Variants in PTPN13 observed in about 807,000 individuals in gnomAD.
PTPN13 encodes protein tyrosine phosphatase non-receptor type 13.
Under a neutral mutation model 284.0 loss-of-function variants are expected in PTPN13, and 191 were observed. The ratio of observed to expected loss-of-function variants is 0.67; its 90% confidence interval spans 0.60 to 0.76. PTPN13 has a LOEUF of 0.76. Among genes scored for constraint, PTPN13 ranks in the 30% least tolerant of loss-of-function variants. The probability of loss-of-function intolerance (pLI) is 0.00; values close to 1 mark genes in which losing one functional copy is unlikely to be tolerated. For synonymous variants in PTPN13, 986 were observed against 1,022.3 expected (o/e 0.96, Z 0.68); for missense variants, 2,797 against 2,939.9 (o/e 0.95, Z 1.12).
chr4:86,709,517 A>C (rs554117439), intron 7 of PTPN13, among the ~76,000 whole-genome samples: 2 of 152,312 alleles, frequency 1.3e-5, no homozygotes, highest in Non-Finnish European at 1.5e-5. Flanking sequence ...AATGGGTTAC[A>C]ACAATATTCT....
intron 1 of PTPN13, among the ~76,000 whole-genome samples, chr4:86,633,511 C>A (rs1005298320): frequency 2.6e-5 from 4 of 152,198 alleles, no homozygotes; most frequent in Non-Finnish European, 4.4e-5. Flanking sequence ...CTTTCCACAT[C>A]CCTCCCACTT....
intron 40 of PTPN13, among the ~76,000 whole-genome samples, chr4:86,794,493 A>G (rs1209018047): frequency 1.3e-5 from 2 of 152,204 alleles, no homozygotes; most frequent in African/African-American, 4.8e-5. Flanking sequence ...TATAGATTCA[A>G]TGCTATCCCC....
At position 86,637,691 on chromosome 4, in the gene PTPN13, G is replaced by C. The variant is rs1456421938; in HGVS notation, c.115+2320G>C. The stretch of plus-strand genomic sequence containing the variant: ...GATGGGACATATCTCAAAATAATAA[G>C]AGCTATCTATGACAAACCCACAGCC... On this transcript the variant is annotated intron_variant, in intron 2 of 47. Coordinates refer to ENST00000411767, the MANE Select transcript of PTPN13 (RefSeq NM_080683.3). Among the ~76,000 whole-genome samples, 4 of 147,820 alleles carry C rather than the reference G, an allele frequency of 2.7e-5. No homozygotes were observed. The South Asian group carries it at 8.9e-4, about 33-fold the overall frequency.
intron 1 of PTPN13, 86 bp from the exon 2 acceptor site, chr4:86,635,166 T>G (rs1722873375): frequency 2.2e-6 from 3 of 1,394,308 alleles, no homozygotes; most frequent in Non-Finnish European, 2.9e-6. Flanking sequence ...GGGCTTATAG[T>G]CTGTCATCAC....
intron 3 of PTPN13, among the ~76,000 whole-genome samples, chr4:86,684,600 T>C (rs373701872): frequency 3.9e-5 from 6 of 152,242 alleles, no homozygotes; most frequent in African/African-American, 1.2e-4. Flanking sequence ...TAGGAAGCAA[T>C]GTAAGGGATA....
At chr4:86,761,376 T>C (rs1374179992) in intron 23 of PTPN13, among the ~76,000 whole-genome samples, 1 of 152,038 alleles carries the variant, frequency 6.6e-6, no homozygotes, top group African/African-American at 2.4e-5. Flanking sequence ...AATTCTATTA[T>C]AAATGTTACT....
chr4:86,794,773 C>T (rs971824428), intron 40 of PTPN13, among the ~76,000 whole-genome samples: 6 of 152,108 alleles, frequency 3.9e-5, no homozygotes, highest in African/African-American at 1.4e-4. Flanking sequence ...TCTTTGACAA[C>T]CCTGACAAAA....
chr4:86,636,433 GA>G (rs1370228476), intron 2 of PTPN13, among the ~76,000 whole-genome samples: 2 of 152,104 alleles, frequency 1.3e-5, no homozygotes, highest in African/African-American at 4.8e-5. Context: ...AATAGTAGGT[GA>G]AAAAACCAAG....
intron 1 of PTPN13, among the ~76,000 whole-genome samples, chr4:86,603,234 ATAAT>A (rs1393110962): frequency 6.6e-6 from 1 of 152,222 alleles, no homozygotes; most frequent in Non-Finnish European, 1.5e-5. Flanking sequence ...ATATCTAAAC[ATAAT>A]TAGAAAAGAA....
chr4:86,694,089 A>G (rs917189549), intron 6 of PTPN13, among the ~76,000 whole-genome samples: 1 of 151,290 alleles, frequency 6.6e-6, no homozygotes. Context: ...ATTTTTTATC[A>G]TATTTCTTTT....
At chr4:86,671,072 T>C (rs891988035) in intron 2 of PTPN13, among the ~76,000 whole-genome samples, 7 of 152,212 alleles carry the variant, frequency 4.6e-5, no homozygotes, top group African/African-American at 1.4e-4. Flanking sequence ...AACACATTTT[T>C]CTTCTTTGAC....
intron 2 of PTPN13, among the ~76,000 whole-genome samples, chr4:86,642,627 G>C (rs1398899949): frequency 6.6e-6 from 1 of 151,120 alleles, no homozygotes; most frequent in Admixed American, 6.6e-5. Flanking sequence ...TAATTTTTTT[G>C]TATTTTTTGT....
chr4:86,810,092 T>G (rs1745063268), intron 46 of PTPN13, 108 bp downstream of exon 46: 3 of 796,814 alleles, frequency 3.8e-6, no homozygotes, highest in Non-Finnish European at 5.7e-6. Context: ...TGAGTTTATA[T>G]GACTGCCTTC....
At chr4:86,750,308 A>G (rs1044525019) in intron 17 of PTPN13, among the ~76,000 whole-genome samples, 162 bp from the exon 18 acceptor site, 1 of 152,120 alleles carries the variant, frequency 6.6e-6, no homozygotes, top group Non-Finnish European at 1.5e-5. Flanking sequence ...CAGATCTTCA[A>G]CCCTCCTTTT....
chr4:86,769,848 G>T lies in PTPN13; in HGVS notation c.4569G>T (p.Pro1523=). ...TTTCTCGAGAAGATAATCTTATACC[G>T]GAGCAAATTAATGCCAGCATAGTAA... is the stretch of plus-strand genomic sequence containing the variant. ...FSFSREDNLI[P]EQINASIVRV... Residue 1523 remains proline, a synonymous_variant, in exon 29 of 48, where the codon CCG becomes CCT. Transcript: ENST00000411767. The T allele has an allele frequency of 6.2e-7, 1 of 1,613,646 alleles. No homozygotes were observed. Among genetic ancestry groups the T allele is most frequent in the South Asian group, 1.1e-5 (1 of 91,066 alleles).
chr4:86,706,643 G>C (rs1475824218), intron 7 of PTPN13, among the ~76,000 whole-genome samples: 1 of 151,936 alleles, frequency 6.6e-6, no homozygotes, highest in Non-Finnish European at 1.5e-5. Flanking sequence ...GGCATTGAGT[G>C]GTCTGATTTC....
At chr4:86,744,040 A>G (rs1251012121) in intron 16 of PTPN13, among the ~76,000 whole-genome samples, 1 of 152,200 alleles carries the variant, frequency 6.6e-6, no homozygotes, top group Non-Finnish European at 1.5e-5. Flanking sequence ...TCTCTTCCAC[A>G]AAAGACATTC....
chr4:86,723,302 G>A (rs951680971), intron 10 of PTPN13, among the ~76,000 whole-genome samples: 7 of 152,172 alleles, frequency 4.6e-5, no homozygotes, highest in African/African-American at 1.4e-4. Flanking sequence ...CAGGAGGTGA[G>A]CAAGGAGCTA....
At chr4:86,707,933 TG>T (rs1418619896) in intron 7 of PTPN13, among the ~76,000 whole-genome samples, 3 of 152,332 alleles carry the variant, frequency 2.0e-5, no homozygotes, top group Non-Finnish European at 4.4e-5. Flanking sequence ...AAATATATTT[TG>T]TTTCTCTGAA....
Sources: allele counts gnomAD v4.1 joint callset (sites outside exome capture counted in the v4.1 genomes callset), GRCh38; gene constraint gnomAD v4.1.1; transcripts MANE v1.5; gene names NCBI Gene and HGNC (gene_info 2026-07-23, HGNC 2026-07-21).